The following HIVEP2 variants were observed in gnomAD, a reference collection of about 807,000 sequenced individuals.
The protein encoded by HIVEP2 is HIVEP zinc finger 2.
A neutral mutation model predicts 180.7 loss-of-function variants in HIVEP2; 14 were observed. That is an observed-to-expected ratio of 0.08 (90% CI 0.05 to 0.12). The LOEUF (loss-of-function observed/expected upper bound fraction) is 0.12. Among genes scored for constraint, HIVEP2 ranks in the 10% least tolerant of loss-of-function variants. The pLI, the probability that HIVEP2 is intolerant of heterozygous loss-of-function variation, is 1.00. For synonymous variants in HIVEP2, 1,184 were observed against 1,136.4 expected, an observed-to-expected ratio of 1.04 and a Z score of -0.84; for missense variants, 2,579 against 3,008.5, an observed-to-expected ratio of 0.86 and a Z score of 3.34.
chr6:142,926,607 C>A (rs1245375938), intron 1 of HIVEP2, among the ~76,000 whole-genome samples: 1 of 152,250 alleles, frequency 6.6e-6, no homozygotes, highest in Non-Finnish European at 1.5e-5. Flanking sequence ...TTCGGGAGCC[C>A]CCGGTGCTCC....
intron 1 of HIVEP2, among the ~76,000 whole-genome samples, chr6:142,867,666 A>C (rs1198121149): frequency 6.6e-6 from 1 of 152,286 alleles, no homozygotes; most frequent in Non-Finnish European, 1.5e-5. Context: ...GGCTCTTATA[A>C]AGTTTTCCTG....
chr6:142,927,370 G>A (rs1562295365), intron 1 of HIVEP2, among the ~76,000 whole-genome samples: 1 of 152,144 alleles, frequency 6.6e-6, no homozygotes, highest in Non-Finnish European at 1.5e-5. Context: ...GAAAAATCAC[G>A]TAAGTGTTGT....
chr6:142,927,695 CAG>C (rs1777850308), intron 1 of HIVEP2, among the ~76,000 whole-genome samples: 1 of 152,108 alleles, frequency 6.6e-6, no homozygotes, highest in South Asian at 2.1e-4. Context: ...AACCTTTAGC[CAG>C]AGTGTTTTAA....
chr6:142,760,577 T>A lies in HIVEP2; in HGVS notation c.5711A>T (p.Asp1904Val), dbSNP rs2114612008. The A allele has an allele frequency of 6.2e-7, 1 of 1,613,516 alleles. No homozygotes were observed. The highest frequency in any genetic ancestry group is 8.5e-7 in the Non-Finnish European group (1 of 1,179,456). The stretch of plus-strand genomic sequence containing the variant: ...ATCATTATCATCTCCATCCTCACCA[T>A]CTGATTCCTCAGCATCGGAGAACTG... ...DHQFSDAEESDGEDGDDNDDD... is the reference protein window; with the variant it reads ...DHQFSDAEESVGEDGDDNDDD... The change falls in exon 9 of 10, where the codon GAT becomes GTT. Residue 1904 changes from aspartate (D) to valine (V), a missense_variant. Physicochemically the swap from Asp to Val is radical, Grantham distance 152 (BLOSUM62 -3). Coordinates refer to ENST00000367603, the MANE Select transcript of HIVEP2 (RefSeq NM_006734.4).
chr6:142,796,119 C>T (rs971826362), intron 2 of HIVEP2, among the ~76,000 whole-genome samples: 2 of 152,118 alleles, frequency 1.3e-5, no homozygotes, highest in Non-Finnish European at 2.9e-5. Context: ...AGTTTTATTG[C>T]TGAATAAGGA....
At chr6:142,767,873 C>T (rs1044378671) in intron 6 of HIVEP2, among the ~76,000 whole-genome samples, 1 of 152,168 alleles carries the variant, frequency 6.6e-6, no homozygotes, top group African/African-American at 2.4e-5. Context: ...ATGTGGTACC[C>T]TGACTTGGAT....
chr6:142,808,276 T>C (rs926222488), intron 2 of HIVEP2, among the ~76,000 whole-genome samples: 2 of 152,102 alleles, frequency 1.3e-5, no homozygotes, highest in Admixed American at 1.3e-4. Flanking sequence ...TTCATGAAAC[T>C]TGATACACAA....
Position 142,772,293 on chromosome 6 carries a change from T to G in HIVEP2, c.2446A>C (p.Arg816=). 6.2e-7 allele frequency: 1 copy of G among 1,614,236 alleles called. No homozygotes were observed. Among genetic ancestry groups the G allele is most frequent in the Non-Finnish European group, 8.5e-7 (1 of 1,180,038 alleles). ...NSLSRPNSFE[R]SESAELVACT... ...GCCACAAGTTCGGCTGACTCAGACC[T>G]TTCAAATGAATTGGGTCGGCTCAGT... The change falls in exon 5 of 10, where the codon AGG becomes CGG. Residue 816 remains arginine, a synonymous_variant. Coordinates refer to ENST00000367603, the MANE Select transcript of HIVEP2 (RefSeq NM_006734.4). The surrounding 1 kb of genome is among the most constrained non-coding windows in gnomAD (Gnocchi z 4.9).
At chr6:142,785,029 A>G (rs1775951064) in intron 2 of HIVEP2, among the ~76,000 whole-genome samples, 1 of 151,884 alleles carries the variant, frequency 6.6e-6, no homozygotes, top group Admixed American at 6.6e-5. Context: ...CTGGGACTAC[A>G]GGCACCCACC....
intron 3 of HIVEP2, among the ~76,000 whole-genome samples, chr6:142,780,189 C>A (rs910209939): frequency 2.0e-5 from 3 of 152,144 alleles, no homozygotes; most frequent in Non-Finnish European, 4.4e-5. Context: ...CTAAGACAAG[C>A]CTACCCGAGA....
intron 1 of HIVEP2, among the ~76,000 whole-genome samples, chr6:142,872,534 T>C (rs952310625): frequency 2.0e-5 from 3 of 152,174 alleles, no homozygotes; most frequent in Non-Finnish European, 4.4e-5. Context: ...ACCATACTAT[T>C]AGGTGAAACT....
intron 2 of HIVEP2, among the ~76,000 whole-genome samples, chr6:142,817,005 C>T (rs774162123): frequency 6.6e-6 from 1 of 152,048 alleles, no homozygotes; most frequent in Non-Finnish European, 1.5e-5. Flanking sequence ...TTTTGTTCAA[C>T]TCGACTTGAA....
chr6:142,913,427 A>T (rs1284776930), intron 1 of HIVEP2, among the ~76,000 whole-genome samples: 1 of 152,228 alleles, frequency 6.6e-6, no homozygotes, highest in Non-Finnish European at 1.5e-5. Context: ...GAAGACAGAA[A>T]ATACTAAAAA....
At chr6:142,756,250 A>C (rs978622005) in intron 9 of HIVEP2, among the ~76,000 whole-genome samples, 1 of 152,200 alleles carries the variant, frequency 6.6e-6, no homozygotes, top group Non-Finnish European at 1.5e-5. Context: ...GGGAGGTAGA[A>C]GAGCAAGAGC....
Position 142,760,265 on chromosome 6 carries a change from T to A in HIVEP2, c.6023A>T (p.Asp2008Val). The A allele has an allele frequency of 6.2e-7, 1 of 1,614,182 alleles. No homozygotes were observed. The highest frequency in any genetic ancestry group is 8.5e-7 in the Non-Finnish European group (1 of 1,180,028). ...YQRLFQSKST[D>V]SEPDKDRLDI... ...CAATCTGTCTTTGTCTGGTTCTGAG[T>A]CCGTACTTTTGCTCTGGAATAGCCT... is the stretch of plus-strand genomic sequence containing the variant. Residue 2008 changes from aspartate (D) to valine (V), a missense_variant, in exon 9 of 10, where the codon GAC becomes GTC. Transcript: ENST00000367603.
chr6:142,920,615 A>G (rs1439590707), intron 1 of HIVEP2, among the ~76,000 whole-genome samples: 1 of 152,174 alleles, frequency 6.6e-6, no homozygotes, highest in Non-Finnish European at 1.5e-5. Context: ...GAAGAAAATA[A>G]AAGGGATGAG....
intron 1 of HIVEP2, among the ~76,000 whole-genome samples, chr6:142,841,183 T>A (rs528120699): frequency 6.6e-6 from 1 of 152,252 alleles, no homozygotes; most frequent in Admixed American, 6.5e-5. Context: ...GGCATATATT[T>A]AGATCCATAG....
At chr6:142,867,907 G>A (rs1440701265) in intron 1 of HIVEP2, among the ~76,000 whole-genome samples, 1 of 152,118 alleles carries the variant, frequency 6.6e-6, no homozygotes, top group Non-Finnish European at 1.5e-5. Flanking sequence ...TTTTTGCACA[G>A]GTTCCTATTC....
intron 1 of HIVEP2, among the ~76,000 whole-genome samples, chr6:142,892,987 A>G (rs964949586): frequency 2.0e-5 from 3 of 152,242 alleles, no homozygotes; most frequent in African/African-American, 7.2e-5. Context: ...GATGGGTGCA[A>G]GCCCCTTCCA....
Sources: allele counts gnomAD v4.1 joint callset (sites outside exome capture counted in the v4.1 genomes callset), GRCh38; gene constraint gnomAD v4.1.1; non-coding constraint Gnocchi (gnomAD v3.1); transcripts MANE v1.5; gene names NCBI Gene and HGNC (gene_info 2026-07-23, HGNC 2026-07-21).